Variants in SDF4 observed in about 807,000 individuals in gnomAD.
SDF4 encodes the protein 45 kDa calcium-binding protein.
A neutral mutation model predicts 34.2 loss-of-function variants in SDF4; 22 were observed. The observed-to-expected ratio is 0.64, with a 90% CI of 0.46 to 0.92. The LOEUF (loss-of-function observed/expected upper bound fraction) is 0.92. Ranked by LOEUF, SDF4 falls within the 40% of genes least tolerant of loss-of-function variation. SDF4 has a pLI of 0.00. For missense variants in SDF4, 447 were observed against 499.9 expected, an observed-to-expected ratio of 0.89 and a Z score of 1.01; for synonymous variants, 236 against 203.1, an observed-to-expected ratio of 1.16 and a Z score of -1.38.
intron 1 of SDF4, among the ~76,000 whole-genome samples, chr1:1,231,674 G>A (rs1638506175): frequency 6.6e-6 from 1 of 152,206 alleles, no homozygotes; most frequent in Admixed American, 6.5e-5. Context: ...AGACGTGCCG[G>A]CGGCCGGGGA....
chr1:1,228,983 A>G (rs570625609), intron 1 of SDF4, 37 bp from the exon 2 acceptor site: 30 of 587,230 alleles, frequency 5.1e-5, no homozygotes, highest in Middle Eastern at 9.0e-4. Context: ...AGCAAGACTC[A>G]GCAAAGACTT....
chr1:1,221,730 G>A (rs1649973450), intron 4 of SDF4, among the ~76,000 whole-genome samples: 1 of 152,192 alleles, frequency 6.6e-6, no homozygotes, highest in African/African-American at 2.4e-5. Flanking sequence ...GGAGACTGCA[G>A]TAGGCGGATG....
chr1:1,231,236 G>C (rs568911101), intron 1 of SDF4, among the ~76,000 whole-genome samples: 4 of 152,354 alleles, frequency 2.6e-5, no homozygotes, highest in Admixed American at 2.6e-4. Flanking sequence ...GGTCCCACCG[G>C]AATGGGGTTT....
At position 1,226,002 on chromosome 1, in the gene SDF4, C is replaced by T. The variant is rs535063541; in HGVS notation, c.306-2034G>A. ...TACCCACGTGTACACAGCACACACA[C>T]GTGAACAGGGCTGGCAGAACACAGA... On this transcript the variant is annotated intron_variant, in intron 2 of 6. Coordinates refer to ENST00000360001, the MANE Select transcript of SDF4 (RefSeq NM_016176.6). Among the ~76,000 whole-genome samples the T allele has an allele frequency of 5.9e-5, 9 of 152,348 alleles. No individual in the cohort carries two copies. The East Asian group carries it at 1.2e-3, about 20-fold the overall frequency.
chr1:1,224,383 G>C (rs528115385), intron 2 of SDF4, among the ~76,000 whole-genome samples: 1 of 152,194 alleles, frequency 6.6e-6, no homozygotes, highest in Admixed American at 6.5e-5. Flanking sequence ...GGGTTCAAGC[G>C]ATTCTACTGC....
intron 4 of SDF4, chr1:1,220,321 G>T: frequency 9.1e-7 from 1 of 1,102,716 alleles, no homozygotes; most frequent in African/African-American, 1.6e-5. Flanking sequence ...CGGGGGAAGG[G>T]AGTGATGCCC....
rs778059046 is a variant in SDF4 at position 1,228,459 on chromosome 1, G to T, written c.305+9C>A. On this transcript the variant is annotated intron_variant, in intron 2 of 6. Coordinates refer to ENST00000360001, the MANE Select transcript of SDF4 (RefSeq NM_016176.6). ...CAGCCCCCCAGTCTGGGCACATGGC[G>T]GCACCTACTTGGAAAAGATGACCAT... 3.5e-5 allele frequency: 56 copies of T among 1,593,498 alleles called. No homozygotes were observed. Among genetic ancestry groups the T allele is most frequent in the Non-Finnish European group, 4.5e-5 (53 of 1,168,336 alleles).
intron 2 of SDF4, among the ~76,000 whole-genome samples, chr1:1,226,661 C>T (rs1440977630): frequency 1.3e-5 from 2 of 152,188 alleles, no homozygotes; most frequent in African/African-American, 4.8e-5. Flanking sequence ...CCGCTGTCGC[C>T]GCTCGGCGCA....
At chr1:1,226,956 T>C (rs1358177075) in intron 2 of SDF4, among the ~76,000 whole-genome samples, 1 of 152,020 alleles carries the variant, frequency 6.6e-6, no homozygotes, top group African/African-American at 2.4e-5. Context: ...AGCCTCTTCG[T>C]GGGTTGGTCA....
chr1:1,222,135 A>C (rs1048743780), intron 4 of SDF4, among the ~76,000 whole-genome samples: 1 of 152,216 alleles, frequency 6.6e-6, no homozygotes, highest in Non-Finnish European at 1.5e-5. Flanking sequence ...AACCCACCCC[A>C]GGATGCCGGG....
Position 1,228,936 on chromosome 1 carries a change from C to A in SDF4, c.-164G>T, listed in dbSNP as rs1444120024. 4 of 622,608 alleles carry A rather than the reference C, an allele frequency of 6.4e-6. No individual in the cohort carries two copies. Among genetic ancestry groups the A allele is most frequent in the Non-Finnish European group, 1.1e-5 (4 of 357,162 alleles). The allele number at this position is 622,608 out of a possible 1,614,324, so 38.6% of individuals were successfully genotyped here. On this transcript the variant is annotated 5_prime_UTR_variant, in exon 2 of 7. Coordinates refer to ENST00000360001, the MANE Select transcript of SDF4 (RefSeq NM_016176.6). ...AGGACGGCCGCAGGATGGGGACAAGCAGCTCACAGTCTGCAGAGAGACACA... is the reference window on the plus strand; with the variant it reads ...AGGACGGCCGCAGGATGGGGACAAGAAGCTCACAGTCTGCAGAGAGACACA...
chr1:1,217,878 T>G lies in SDF4; in HGVS notation c.892-190A>C. ...GAGAAGCCGGGGGCCCCGGAAGGCC[T>G]GCCCGGGGCCAGCAGGGGTAACGGG... On this transcript the variant is annotated intron_variant, in intron 6 of 6. Transcript: ENST00000360001. This position sits in a 1 kb window ranked among gnomAD's most constrained non-coding sequence, Gnocchi z 8.5. 1.4e-6 allele frequency: 2 copies of G among 1,436,114 alleles called. No homozygotes were observed. Among genetic ancestry groups the G allele is most frequent in the Non-Finnish European group, 1.8e-6 (2 of 1,090,112 alleles). 89.0% of individuals were successfully genotyped at this position (1,436,114 alleles called of 1,614,324 possible).
chr1:1,230,174 T>C (rs918759111), intron 1 of SDF4, among the ~76,000 whole-genome samples: 1 of 152,236 alleles, frequency 6.6e-6, no homozygotes, highest in Admixed American at 6.5e-5. Flanking sequence ...GGCCCCGCCA[T>C]GTCACAGCTG....
chr1:1,226,054 T>C (rs984920600), intron 2 of SDF4, among the ~76,000 whole-genome samples: 20 of 152,224 alleles, frequency 1.3e-4, no homozygotes, highest in African/African-American at 4.8e-4. Context: ...CACACACGCA[T>C]GTTATCAAGT....
chr1:1,223,189 G>A (rs759596632), intron 4 of SDF4, 55 bp downstream of exon 4: 13 of 1,189,494 alleles, frequency 1.1e-5, no homozygotes, highest in South Asian at 4.9e-5. Context: ...CACAACACAC[G>A]CGCGCACACA....
At chr1:1,229,943 G>A (rs1638441002) in intron 1 of SDF4, among the ~76,000 whole-genome samples, 1 of 119,206 alleles carries the variant, frequency 8.4e-6, no homozygotes, top group East Asian at 2.8e-4. Context: ...TTACACACAT[G>A]TGCCCTTGCC....
At chr1:1,230,251 C>T (rs1638452824) in intron 1 of SDF4, among the ~76,000 whole-genome samples, 3 of 152,242 alleles carry the variant, frequency 2.0e-5, no homozygotes, top group South Asian at 4.1e-4. Flanking sequence ...ACTGTTCTGG[C>T]ACCTGCCACT....
chr1:1,223,571 C>A (rs1038191616), intron 3 of SDF4, among the ~76,000 whole-genome samples: 7 of 152,264 alleles, frequency 4.6e-5, no homozygotes, highest in Non-Finnish European at 8.8e-5. Context: ...GGCATAGACA[C>A]CACCAGATGA....
intron 4 of SDF4, chr1:1,219,399 T>C (rs532987774): frequency 5.4e-5 from 55 of 1,025,928 alleles, no homozygotes; most frequent in South Asian, 6.7e-5. Flanking sequence ...AGGATGGGCC[T>C]GGGCCCCACC....
Sources: allele counts gnomAD v4.1 joint callset (sites outside exome capture counted in the v4.1 genomes callset), GRCh38; gene constraint gnomAD v4.1.1; non-coding constraint Gnocchi (gnomAD v3.1); transcripts MANE v1.5; gene names NCBI Gene and HGNC (gene_info 2026-07-23, HGNC 2026-07-21).